The following CTNNA2 variants were observed in gnomAD, a reference collection of about 807,000 sequenced individuals.
The protein encoded by CTNNA2 is catenin alpha 2.
A neutral mutation model predicts 101.0 loss-of-function variants in CTNNA2; 42 were observed. The observed-to-expected ratio is 0.42, with a 90% CI of 0.32 to 0.54. CTNNA2 has a LOEUF of 0.54. Ranked by LOEUF, CTNNA2 falls within the 20% of genes least tolerant of loss-of-function variation. CTNNA2 has a pLI of 0.14. For synonymous variants in CTNNA2, 450 were observed against 456.4 expected (o/e 0.99, Z 0.18); for missense variants, 871 against 1,223.1 (o/e 0.71, Z 4.29).
chr2:80,402,653 A>G (rs552675476), intron 8 of CTNNA2, among the ~76,000 whole-genome samples: 1 of 151,962 alleles, frequency 6.6e-6, no homozygotes, highest in South Asian at 2.1e-4. Context: ...AGATTCTCCT[A>G]GTACCCCTTA....
intron 3 of CTNNA2, among the ~76,000 whole-genome samples, chr2:79,768,116 T>C (rs942426758): frequency 5.6e-4 from 85 of 151,784 alleles, no homozygotes; most frequent in South Asian, 2.1e-4. Context: ...CTGGTCTACA[T>C]GCTCCCTCTG....
intron 18 of CTNNA2, among the ~76,000 whole-genome samples, chr2:80,635,684 G>A (rs898440730): frequency 6.6e-6 from 1 of 152,142 alleles, no homozygotes; most frequent in Non-Finnish European, 1.5e-5. Context: ...CCTCTCCTGT[G>A]CAGTTCTGTT....
intron 7 of CTNNA2, among the ~76,000 whole-genome samples, chr2:80,044,211 T>C (rs1202179462): frequency 6.6e-6 from 1 of 152,200 alleles, no homozygotes; most frequent in Non-Finnish European, 1.5e-5. Context: ...GGGAAAACTA[T>C]GGTATTTTCT....
At chr2:80,355,031 C>A (rs1164159128) in intron 7 of CTNNA2, among the ~76,000 whole-genome samples, 2 of 152,130 alleles carry the variant, frequency 1.3e-5, no homozygotes, top group African/African-American at 4.8e-5. Context: ...GTCCAGGGCA[C>A]TGATGTGGAC....
chr2:79,296,484 A>T (rs961531471), intron 2 of CTNNA2, among the ~76,000 whole-genome samples: 1 of 152,044 alleles, frequency 6.6e-6, no homozygotes, highest in Admixed American at 6.6e-5. Flanking sequence ...CTTTTTTCTC[A>T]TTTATAGCTT....
chr2:79,684,211 A>G (rs1363119598), intron 2 of CTNNA2, among the ~76,000 whole-genome samples: 5 of 152,218 alleles, frequency 3.3e-5, no homozygotes, highest in Admixed American at 2.6e-4. Flanking sequence ...CTACACTTCA[A>G]TATATGTAAC....
intron 7 of CTNNA2, among the ~76,000 whole-genome samples, chr2:80,362,250 A>G (rs563483799): frequency 6.6e-6 from 1 of 152,226 alleles, no homozygotes; most frequent in Non-Finnish European, 1.5e-5. Context: ...CTCCTCCATT[A>G]TAAGGCTGGC....
intron 12 of CTNNA2, among the ~76,000 whole-genome samples, chr2:80,565,984 A>G (rs553327267): frequency 6.6e-6 from 1 of 152,306 alleles, no homozygotes; most frequent in African/African-American, 2.4e-5. Flanking sequence ...ACCAATAAAT[A>G]TGCTTGAAAC....
intron 3 of CTNNA2, among the ~76,000 whole-genome samples, chr2:79,316,431 A>T (rs576248627): frequency 6.6e-6 from 1 of 152,014 alleles, no homozygotes; most frequent in Non-Finnish European, 1.5e-5. Context: ...GCATTTCCAC[A>T]TGAATTTTAG....
chr2:79,360,840 C>T (rs1677611817), intron 3 of CTNNA2, among the ~76,000 whole-genome samples: 1 of 152,164 alleles, frequency 6.6e-6, no homozygotes, highest in South Asian at 2.1e-4. Context: ...CAGTAAAATG[C>T]ACATGTACTT....
At chr2:79,808,516 T>A (rs570323722) in intron 3 of CTNNA2, among the ~76,000 whole-genome samples, 2 of 152,340 alleles carry the variant, frequency 1.3e-5, no homozygotes, top group East Asian at 1.9e-4. Context: ...TTCTTGCTTA[T>A]CTTTTTTATT....
intron 3 of CTNNA2, among the ~76,000 whole-genome samples, chr2:79,850,940 T>G (rs1049068948): frequency 1.3e-5 from 2 of 152,158 alleles, no homozygotes; most frequent in Non-Finnish European, 2.9e-5. Flanking sequence ...GGAAGGAATC[T>G]TGGACCACCC....
At chr2:79,521,120 AT>A (rs2103873443) in intron 1 of CTNNA2, among the ~76,000 whole-genome samples, 2 of 3,182 alleles carry the variant, frequency 6.3e-4, no homozygotes, top group African/African-American at 2.3e-3. Context: ...ATATATATAT[AT>A]ATATATATAT....
At chr2:80,335,709 G>A (rs1162178184) in intron 7 of CTNNA2, among the ~76,000 whole-genome samples, 1 of 152,110 alleles carries the variant, frequency 6.6e-6, no homozygotes, top group Non-Finnish European at 1.5e-5. Context: ...GTAAAATGTT[G>A]AATAACAGAA....
At chr2:79,376,502 T>C (rs1677977607) in intron 4 of CTNNA2, among the ~76,000 whole-genome samples, 1 of 152,138 alleles carries the variant, frequency 6.6e-6, no homozygotes, top group African/African-American at 2.4e-5. Context: ...TTTTTTATTA[T>C]ACTTTAAGTT....
At chr2:79,585,865 T>C (rs918348313) in intron 1 of CTNNA2, among the ~76,000 whole-genome samples, 2 of 152,124 alleles carry the variant, frequency 1.3e-5, no homozygotes, top group African/African-American at 4.8e-5. Context: ...TGGGTGCTGT[T>C]TCCGGGGTGT....
intron 11 of CTNNA2, among the ~76,000 whole-genome samples, chr2:80,553,062 C>CAA (rs34648725): frequency 0.043 from 5,290 of 123,352 alleles, 143 homozygotes; most frequent in African/African-American, 0.089. Flanking sequence ...ACTAAAAAGA[C>CAA]AAAAAAAAAA....
chr2:79,451,457 G>T (rs1670747276), intron 4 of CTNNA2, among the ~76,000 whole-genome samples: 1 of 151,950 alleles, frequency 6.6e-6, no homozygotes, highest in African/African-American at 2.4e-5. Flanking sequence ...ATTTGGAAAT[G>T]AGAACTTTAA....
chr2:79,615,946 C>T (rs1678589435), intron 1 of CTNNA2, among the ~76,000 whole-genome samples: 1 of 152,160 alleles, frequency 6.6e-6, no homozygotes, highest in Admixed American at 6.5e-5. Flanking sequence ...AGTCAGCTTC[C>T]CCATAGCTGC....
Sources: gnomAD v4.1 joint callset for allele counts (sites outside exome capture counted in the v4.1 genomes callset) on GRCh38, gnomAD v4.1.1 for gene constraint, MANE v1.5 for transcripts, NCBI Gene and HGNC (gene_info 2026-07-23, HGNC 2026-07-21) for gene names.